Variants in BCL2L13 observed in about 807,000 individuals in gnomAD.
BCL2L13 encodes BCL2 like 13.
In BCL2L13, 13 loss-of-function variants were observed where a neutral mutation model predicts 25.8. That is an observed-to-expected ratio of 0.50 (90% confidence interval 0.33 to 0.80). The LOEUF is 0.80. Ranked by LOEUF, BCL2L13 falls within the 30% of genes least tolerant of loss-of-function variation. BCL2L13 has a pLI of 0.02. For synonymous variants in BCL2L13, 244 were observed against 230.3 expected (o/e 1.06, Z -0.54); for missense variants, 504 against 574.9 (o/e 0.88, Z 1.26).
At chr22:17,663,915 C>T (rs1366292801) in intron 2 of BCL2L13, among the ~76,000 whole-genome samples, 21 of 151,782 alleles carry the variant, frequency 1.4e-4, no homozygotes, top group Non-Finnish European at 2.8e-4. Flanking sequence ...GTGGCACGAT[C>T]TTGGCTCACT....
intron 1 of BCL2L13, among the ~76,000 whole-genome samples, chr22:17,632,144 C>G (rs905878917): frequency 6.6e-6 from 1 of 152,034 alleles, no homozygotes; most frequent in African/African-American, 2.4e-5. Context: ...TTTGAGAATA[C>G]TGATAATGCT....
chr22:17,653,290 C>T (rs2058747244), intron 1 of BCL2L13, among the ~76,000 whole-genome samples: 1 of 152,122 alleles, frequency 6.6e-6, no homozygotes, highest in African/African-American at 2.4e-5. Context: ...ACTTACCTTA[C>T]AGCTTCCTGG....
At chr22:17,642,907 C>A (rs956729712) in intron 1 of BCL2L13, among the ~76,000 whole-genome samples, 1 of 151,782 alleles carries the variant, frequency 6.6e-6, no homozygotes, top group Non-Finnish European at 1.5e-5. Context: ...TGTAATGCTG[C>A]TTTGAGCATT....
At chr22:17,643,040 T>C (rs2058346252) in intron 1 of BCL2L13, among the ~76,000 whole-genome samples, 1 of 152,204 alleles carries the variant, frequency 6.6e-6, no homozygotes, top group African/African-American at 2.4e-5. Flanking sequence ...GCCTAATTAT[T>C]GTGAAAGTCA....
In BCL2L13 at chr22:17,727,471, G is replaced by A; in HGVS notation, c.1395G>A (p.Gly465=). 6.2e-7 allele frequency: 1 copy of A among 1,614,264 alleles called. No homozygotes were observed. Among genetic ancestry groups the A allele is most frequent in the Non-Finnish European group, 8.5e-7 (1 of 1,180,048 alleles). The change falls in exon 7 of 7, where the codon GGG becomes GGA. Residue 465 remains glycine, a synonymous_variant. Coordinates refer to ENST00000317582, the MANE Select transcript of BCL2L13 (RefSeq NM_015367.4). ...GCAAGTCTATACTGCTGTTTGGAGG[G>A]GCTGCTGCTGTTGCCATCCTGGCAG... ...SEGKSILLFG[G]AAAVAILAVA...
At chr22:17,720,556 G>A (rs67425478) in intron 6 of BCL2L13, among the ~76,000 whole-genome samples, 21,106 of 151,642 alleles carry the variant, frequency 0.14, 2,014 homozygotes, top group Non-Finnish European at 0.21. Flanking sequence ...GTAGAGATGG[G>A]GTTTCTCCAT....
chr22:17,687,236 A>G (rs956204595), intron 3 of BCL2L13, among the ~76,000 whole-genome samples: 1 of 152,220 alleles, frequency 6.6e-6, no homozygotes, highest in African/African-American at 2.4e-5. Flanking sequence ...ACTCTGGAAC[A>G]AGTTACTCTG....
In BCL2L13 at chr22:17,689,023, A is replaced by G. The variant is rs749765575; in HGVS notation, c.267A>G (p.Pro89=). 2.0e-5 allele frequency: 32 copies of G among 1,613,992 alleles called. No homozygotes were observed. The Middle Eastern group carries it at 4.9e-4, about 25-fold the overall frequency. ...CAGGCTTTGACCGTCACACTTCTCC[A>G]GTGTTCAGCCCTGCCAATCCAGAAA... ...TSTGFDRHTS[P]VFSPANPESS... The change falls in exon 4 of 7, where the codon CCA becomes CCG. Residue 89 remains proline (P), a synonymous_variant. Coordinates refer to ENST00000317582, the MANE Select transcript of BCL2L13 (RefSeq NM_015367.4).
intron 2 of BCL2L13, among the ~76,000 whole-genome samples, chr22:17,662,126 A>G (rs2059087322): frequency 6.6e-6 from 1 of 152,170 alleles, no homozygotes; most frequent in African/African-American, 2.4e-5. Context: ...AATTCTTTGT[A>G]TTGTGAAGTT....
At chr22:17,670,895 C>G (rs1044624724) in intron 2 of BCL2L13, among the ~76,000 whole-genome samples, 1 of 152,060 alleles carries the variant, frequency 6.6e-6, no homozygotes, top group Non-Finnish European at 1.5e-5. Context: ...CTGCAAGATG[C>G]TTAGGGGGTA....
intron 1 of BCL2L13, among the ~76,000 whole-genome samples, chr22:17,646,955 A>ATATATATAT (rs768488873): frequency 8.6e-4 from 19 of 22,188 alleles, no homozygotes; most frequent in Non-Finnish European, 1.2e-3. Flanking sequence ...ATATATATAT[A>ATATATATAT]TTTTTTTTTT....
At chr22:17,684,474 C>T (rs1033076919) in intron 3 of BCL2L13, 53 of 423,068 alleles carry the variant, frequency 1.3e-4, no homozygotes, top group Non-Finnish European at 1.9e-4. Flanking sequence ...CCAACCCCAC[C>T]CCACACCAGG....
At chr22:17,719,752 C>T (rs1352682928) in intron 6 of BCL2L13, among the ~76,000 whole-genome samples, 3 of 145,996 alleles carry the variant, frequency 2.1e-5, no homozygotes, top group African/African-American at 7.6e-5. Flanking sequence ...TCGCTGGAAT[C>T]CGGGAGGCGG....
chr22:17,652,201 A>T (rs928675106), intron 1 of BCL2L13, among the ~76,000 whole-genome samples: 28 of 151,640 alleles, frequency 1.8e-4, no homozygotes, highest in Admixed American at 1.1e-3. Flanking sequence ...TAAGCAAAAA[A>T]TTTTTTTTAA....
At position 17,727,923 on chromosome 22, in the gene BCL2L13, A is replaced by G. The variant is rs991785200; in HGVS notation, c.*389A>G. On this transcript the variant is annotated 3_prime_UTR_variant, in exon 7 of 7. Coordinates refer to ENST00000317582, the MANE Select transcript of BCL2L13 (RefSeq NM_015367.4). Reference sequence around the variant, plus strand: ...ATGACAAACGAAAATGTCTCTAGACATTGCCAAATGTCCCGTGTGAACATC... The same window carrying G: ...ATGACAAACGAAAATGTCTCTAGACGTTGCCAAATGTCCCGTGTGAACATC... The G allele has an allele frequency of 8.7e-6, 2 of 230,366 alleles. No homozygotes were observed. The highest frequency in any genetic ancestry group is 2.2e-5 in the African/African-American group (1 of 45,566). The allele number at this position is 230,366 out of a possible 1,614,324, so 14.3% of individuals were successfully genotyped here. A position where few individuals can be genotyped will look rare whatever the true frequency, so the allele number is the denominator to read the frequency against.
At chr22:17,706,831 G>T (rs766438843) in intron 6 of BCL2L13, 17 of 1,351,744 alleles carry the variant, frequency 1.3e-5, no homozygotes, top group African/African-American at 4.4e-5. Flanking sequence ...CTGTGGTAAG[G>T]CTTGTATTTT....
upstream of BCL2L13, chr22:17,638,619 C>T (rs1021891872): frequency 2.3e-5 from 27 of 1,188,290 alleles, no homozygotes; most frequent in African/African-American, 3.3e-4. Context: ...GGGTTTGGGT[C>T]TTCAGGTCAC....
At chr22:17,705,772 G>C (rs1568996601) in intron 6 of BCL2L13, among the ~76,000 whole-genome samples, 1 of 152,044 alleles carries the variant, frequency 6.6e-6, no homozygotes, top group Non-Finnish European at 1.5e-5. Flanking sequence ...AAAGCCTGTG[G>C]TATGATTTCC....
intron 4 of BCL2L13, among the ~76,000 whole-genome samples, chr22:17,692,155 C>G (rs1385583621): frequency 6.6e-6 from 1 of 152,198 alleles, no homozygotes; most frequent in Non-Finnish European, 1.5e-5. Context: ...ACCCTTCTTA[C>G]AGAAGAACAA....
Sources: gnomAD v4.1 joint callset for allele counts (sites outside exome capture counted in the v4.1 genomes callset) on GRCh38, gnomAD v4.1.1 for gene constraint, MANE v1.5 for transcripts, NCBI Gene and HGNC (gene_info 2026-07-23, HGNC 2026-07-21) for gene names.